CD55: variants seen among roughly 807,000 people sequenced by gnomAD.
CD55 encodes complement decay-accelerating factor.
CD55 carries 41 observed loss-of-function variants against 45.8 expected under a neutral mutation model. That is an observed-to-expected ratio of 0.90 (90% CI 0.70 to 1.16). The LOEUF (loss-of-function observed/expected upper bound fraction) is 1.16, where lower values mean the gene tolerates loss of function less well. Among genes scored for constraint, CD55 ranks in the 50% most tolerant of loss-of-function variants. CD55 has a pLI of 0.00. For missense variants in CD55, 416 were observed against 469.8 expected (o/e 0.89, Z 1.06); for synonymous variants, 181 against 181.1 (o/e 1.00, Z 0.01).
chr1:207,322,850 T>C (rs1328773855), intron 2 of CD55, among the ~76,000 whole-genome samples: 1 of 152,230 alleles, frequency 6.6e-6, no homozygotes, highest in Non-Finnish European at 1.5e-5. Context: ...ATATAAAATA[T>C]ATTTGGCAAT....
intron 9 of CD55, among the ~76,000 whole-genome samples, chr1:207,341,922 T>A (rs1333279520): frequency 6.6e-6 from 1 of 152,070 alleles, no homozygotes; most frequent in Non-Finnish European, 1.5e-5. Context: ...TTCTTTTATC[T>A]ATGTTTTGTA....
chr1:207,359,516 C>CTTT (rs56236833), intron 9 of CD55, 30 bp from the exon 10 acceptor site: 271,061 of 1,223,776 alleles, frequency 0.22, 9,514 homozygotes, highest in Admixed American at 0.25. Context: ...TTGATTTTAA[C>CTTT]TTTTTTTTTT....
chr1:207,355,725 A>G (rs563198111), intron 9 of CD55, among the ~76,000 whole-genome samples: 7 of 152,190 alleles, frequency 4.6e-5, no homozygotes, highest in African/African-American at 9.7e-5. Context: ...TTAATGTTCA[A>G]CTTCCTTCTG....
chr1:207,355,114 A>G (rs28371640), intron 9 of CD55, among the ~76,000 whole-genome samples: 1,576 of 152,318 alleles, frequency 0.01, 34 homozygotes, highest in African/African-American at 0.037. Flanking sequence ...CTAAAGTAAA[A>G]TACTGTAAAA....
chr1:207,322,288 A>T, intron 1 of CD55, 94 bp from the exon 2 acceptor site: 1 of 993,156 alleles, frequency 1.0e-6, no homozygotes, highest in Non-Finnish European at 1.6e-6. Flanking sequence ...CATCTCTTTC[A>T]GGTGTGGCAT....
chr1:207,325,479 CATG>C (rs1654638224), intron 3 of CD55, 140 bp from the exon 4 acceptor site: 1 of 487,578 alleles, frequency 2.1e-6, no homozygotes, highest in African/African-American at 2.0e-5. Context: ...AGGTGTACAA[CATG>C]ATGTTTTGAT....
At chr1:207,353,040 G>GTTTTT (rs386369456) in intron 9 of CD55, among the ~76,000 whole-genome samples, 571 of 47,382 alleles carry the variant, frequency 0.012, 53 homozygotes, top group African/African-American at 0.033. Flanking sequence ...CTATTACCAG[G>GTTTTT]TTTTTTTTTT....
intron 4 of CD55, among the ~76,000 whole-genome samples, chr1:207,326,542 A>T (rs1043981341): frequency 4.9e-4 from 74 of 152,358 alleles, no homozygotes; most frequent in African/African-American, 1.7e-3. Flanking sequence ...TAAAAAATGT[A>T]CATGTCTTAT....
At chr1:207,350,599 C>A (rs986801051) in intron 9 of CD55, among the ~76,000 whole-genome samples, 1 of 151,988 alleles carries the variant, frequency 6.6e-6, no homozygotes, top group Non-Finnish European at 1.5e-5. Flanking sequence ...TGTATTTTTC[C>A]AAGAATTTAC....
chr1:207,326,798 A>T lies in CD55; in HGVS notation c.625A>T (p.Ser209Cys), dbSNP rs1654704439. Residue 209 changes from serine (S) to cysteine (C), a missense_variant, in exon 5 of 10, where the codon AGC becomes TGC. By Grantham distance (112) the Ser-to-Cys change is moderately radical. This residue lies in a region of CD55 where 111 missense variants were observed against 163.4 expected (regional missense o/e 0.68). Transcript: ENST00000367064. The stretch of plus-strand genomic sequence containing the variant: ...TTCTAGTTTTTGTCTTATTTCAGGC[A>T]GCTCTGTCCAGTGGAGTGACCCGTT... The part of the protein sequence containing the change: ...STSSFCLISG[S>C]SVQWSDPLPE... 1.2e-6 allele frequency: 2 copies of T among 1,613,970 alleles called. No individual in the cohort carries two copies. Among genetic ancestry groups the T allele is most frequent in the African/African-American group, 2.7e-5 (2 of 75,032 alleles).
chr1:207,341,538 C>G (rs1052737274), intron 9 of CD55, among the ~76,000 whole-genome samples: 1 of 151,978 alleles, frequency 6.6e-6, no homozygotes, highest in Non-Finnish European at 1.5e-5. Context: ...GTTCTTGGCA[C>G]CTTTGTAAAA....
intron 9 of CD55, chr1:207,358,734 T>C (rs1163645438): frequency 1.3e-5 from 2 of 152,212 alleles, no homozygotes; most frequent in Non-Finnish European, 2.9e-5. Flanking sequence ...TAAGTCTCTG[T>C]CACTAGAGTT....
intron 9 of CD55, chr1:207,354,096 G>T: frequency 6.5e-7 from 1 of 1,528,042 alleles, no homozygotes; most frequent in Non-Finnish European, 8.8e-7. Context: ...TCCAGTTCTT[G>T]GAGGTAGGTA....
chr1:207,328,745 A>G (rs1056201810), intron 5 of CD55, among the ~76,000 whole-genome samples: 2 of 151,958 alleles, frequency 1.3e-5, no homozygotes, highest in Non-Finnish European at 2.9e-5. Context: ...TCCCTAAATC[A>G]TTGTGCTTTA....
intron 6 of CD55, among the ~76,000 whole-genome samples, chr1:207,336,271 T>G (rs1655168027): frequency 6.6e-6 from 1 of 152,136 alleles, no homozygotes; most frequent in Non-Finnish European, 1.5e-5. Flanking sequence ...TCAGGCTCAT[T>G]AAGGTTAAGT....
intron 9 of CD55, among the ~76,000 whole-genome samples, chr1:207,348,438 G>A (rs1189801006): frequency 6.6e-6 from 1 of 151,954 alleles, no homozygotes; most frequent in Non-Finnish European, 1.5e-5. Flanking sequence ...TTGTTGATTT[G>A]TTTAAGTTCC....
chr1:207,335,604 TAAAA>T (rs1199509810), intron 6 of CD55, among the ~76,000 whole-genome samples: 1 of 152,166 alleles, frequency 6.6e-6, no homozygotes, highest in Non-Finnish European at 1.5e-5. Flanking sequence ...GAAAAGTTCA[TAAAA>T]AAACTTTACT....
At chr1:207,330,777 A>G (rs1368780082) in intron 5 of CD55, among the ~76,000 whole-genome samples, 2 of 152,194 alleles carry the variant, frequency 1.3e-5, no homozygotes, top group Non-Finnish European at 2.9e-5. Context: ...TTTCATCTCT[A>G]AAATCCTGCA....
rs370362376 is a variant in CD55 at position 207,324,504 on chromosome 1, A to AT, written c.287-54dup. ...GGGTCCAGATAATTAAATATAGATT[A>AT]TAAAACAAAAATTGATACTACATTT... On this transcript the variant is annotated intron_variant, in intron 2 of 9. Coordinates refer to ENST00000367064, the MANE Select transcript of CD55 (RefSeq NM_000574.5). 9.6e-4 allele frequency: 1,239 copies of AT among 1,290,886 alleles called. 15 individuals carry two copies. In the African/African-American group the frequency reaches 0.016, roughly 17 times the overall value. 80.0% of individuals were successfully genotyped at this position (1,290,886 alleles called of 1,614,324 possible). A position where few individuals can be genotyped will look rare whatever the true frequency, so the allele number is the denominator to read the frequency against.
Sources: allele counts gnomAD v4.1 joint callset (sites outside exome capture counted in the v4.1 genomes callset), GRCh38; gene constraint gnomAD v4.1.1; regional missense constraint gnomAD v4.1.1; transcripts MANE v1.5; gene names NCBI Gene and HGNC (gene_info 2026-07-23, HGNC 2026-07-21).